Variants in CNIH3 observed in about 807,000 individuals in gnomAD.
The protein encoded by CNIH3 is protein cornichon homolog 3.
In CNIH3, 14 loss-of-function variants were observed where a neutral mutation model predicts 24.1. The ratio of observed to expected loss-of-function variants is 0.58; its 90% CI spans 0.38 to 0.91. The LOEUF is 0.91. Ranked by LOEUF, CNIH3 falls within the 40% of genes least tolerant of loss-of-function variation. The pLI, the probability that CNIH3 is intolerant of heterozygous loss-of-function variation, is 0.00. For synonymous variants in CNIH3, 68 were observed against 73.8 expected (o/e 0.92, Z 0.40); for missense variants, 178 against 196.8 (o/e 0.90, Z 0.57).
intron 5 of CNIH3, among the ~76,000 whole-genome samples, chr1:224,587,866 AGGAGGTCAAGGC>A (rs1681576805): frequency 1.3e-5 from 2 of 151,980 alleles, no homozygotes; most frequent in Admixed American, 1.3e-4. Flanking sequence ...TGCTTGAGCC[AGGAGGTCAAGGC>A]CTTAGTGAGC....
chr1:224,518,338 TATTTAG>T, intron 1 of CNIH3, among the ~76,000 whole-genome samples: 1 of 152,162 alleles, frequency 6.6e-6, no homozygotes, highest in African/African-American at 2.4e-5. Context: ...TATTTTTATT[TATTTAG>T]TTTTTTTAGA....
At chr1:224,444,243 T>C (rs1421768380) in intron 1 of CNIH3, among the ~76,000 whole-genome samples, 1 of 152,208 alleles carries the variant, frequency 6.6e-6, no homozygotes, top group Non-Finnish European at 1.5e-5. Flanking sequence ...AAAAAATTAA[T>C]ATTGTCATCA....
chr1:224,471,792 A>G (rs992661294), intron 1 of CNIH3, among the ~76,000 whole-genome samples: 1 of 151,728 alleles, frequency 6.6e-6, no homozygotes, highest in African/African-American at 2.4e-5. Context: ...GGCTTTCACC[A>G]TCTTGGCCAG....
intron 1 of CNIH3, among the ~76,000 whole-genome samples, chr1:224,679,021 C>T (rs1364906249): frequency 6.6e-6 from 1 of 152,126 alleles, no homozygotes; most frequent in Non-Finnish European, 1.5e-5. Context: ...ATGAATGCTA[C>T]TATATTCCAA....
chr1:224,441,510 C>G (rs1674912283), intron 1 of CNIH3, among the ~76,000 whole-genome samples: 1 of 152,214 alleles, frequency 6.6e-6, no homozygotes, highest in Non-Finnish European at 1.5e-5. Flanking sequence ...TAACAACAGG[C>G]CCTTTGGGCA....
chr1:224,679,557 G>GT (rs1053069773), intron 1 of CNIH3, among the ~76,000 whole-genome samples: 69 of 152,318 alleles, frequency 4.5e-4, no homozygotes, highest in African/African-American at 1.2e-3. Context: ...AGCATCTTCA[G>GT]TAAGTGGTGA....
intron 1 of CNIH3, among the ~76,000 whole-genome samples, chr1:224,475,164 G>A (rs539576692): frequency 6.6e-6 from 1 of 150,810 alleles, no homozygotes; most frequent in East Asian, 2.0e-4. Context: ...ACACAATCCT[G>A]GCTAACATGG....
upstream of CNIH3, among the ~76,000 whole-genome samples, chr1:224,513,406 C>G (rs1232424840): frequency 1.3e-5 from 2 of 151,224 alleles, no homozygotes; most frequent in African/African-American, 4.9e-5. Flanking sequence ...TCTCGAACTC[C>G]TGGACTCAAC....
intron 1 of CNIH3, among the ~76,000 whole-genome samples, chr1:224,657,289 A>G (rs298736): frequency 0.25 from 38,565 of 151,960 alleles, 6,370 homozygotes; most frequent in African/African-American, 0.48. Flanking sequence ...CCGAAGCCAA[A>G]AAATAAGGTT....
At chr1:224,689,727 T>G (rs1425961059) in intron 3 of CNIH3, among the ~76,000 whole-genome samples, 1 of 152,236 alleles carries the variant, frequency 6.6e-6, no homozygotes, top group Non-Finnish European at 1.5e-5. Flanking sequence ...CTCCTCAGCT[T>G]TCTTGGGAGA....
chr1:224,604,265 A>T lies in CNIH3; in HGVS notation n.402+38001A>T, dbSNP rs1682322560. Among the ~76,000 whole-genome samples the T allele has an allele frequency of 6.6e-6, 1 of 152,274 alleles. No homozygotes were observed. Among genetic ancestry groups the T allele is most frequent in the Admixed American group, 6.5e-5 (1 of 15,294 alleles). ...CCAATCAGAACAGAAATCTTTCAAT[A>T]GTATAGGAATCGCTGCAGTTATATT... On this transcript the variant is annotated intron_variant and non_coding_transcript_variant, in intron 3 of 7. Coordinates refer to the CNIH3 transcript ENST00000478120. The surrounding 1 kb of genome is among the most constrained non-coding windows in gnomAD (Gnocchi z 4.4).
chr1:224,596,925 G>A (rs145332786), intron 3 of CNIH3, among the ~76,000 whole-genome samples: 2,858 of 152,126 alleles, frequency 0.019, 95 homozygotes, highest in African/African-American at 0.066. Flanking sequence ...GACCAAGGCG[G>A]GTGGAACACC....
At chr1:224,662,106 A>AT (rs1685388758) in intron 1 of CNIH3, among the ~76,000 whole-genome samples, 1 of 152,154 alleles carries the variant, frequency 6.6e-6, no homozygotes, top group East Asian at 1.9e-4. Flanking sequence ...ACATTCCATA[A>AT]TTTTTTTACA....
chr1:224,445,574 TAAAAA>T (rs369951294), intron 1 of CNIH3, among the ~76,000 whole-genome samples: 2 of 90,410 alleles, frequency 2.2e-5, no homozygotes, highest in African/African-American at 1.0e-4. Context: ...GGACTCTGCT[TAAAAA>T]AAAAAAAAAA....
chr1:224,545,029 C>A (rs1034075510), intron 2 of CNIH3, among the ~76,000 whole-genome samples: 3 of 152,230 alleles, frequency 2.0e-5, no homozygotes, highest in Non-Finnish European at 4.4e-5. Context: ...CTCAGATAAG[C>A]CTTCCTTGCC....
At chr1:224,551,883 A>C (rs940055671) in intron 3 of CNIH3, among the ~76,000 whole-genome samples, 12 of 151,320 alleles carry the variant, frequency 7.9e-5, no homozygotes, top group Admixed American at 7.9e-4. Flanking sequence ...ATTATTTGTA[A>C]TATCTAAGGG....
intron 1 of CNIH3, among the ~76,000 whole-genome samples, chr1:224,497,608 C>A (rs1677489481): frequency 6.6e-6 from 1 of 152,126 alleles, no homozygotes; most frequent in Admixed American, 6.5e-5. Flanking sequence ...GGGTTGGGAA[C>A]CCTTTGTTGT....
intron 3 of CNIH3, among the ~76,000 whole-genome samples, chr1:224,560,261 G>A (rs1680309185): frequency 6.6e-6 from 1 of 152,122 alleles, no homozygotes; most frequent in African/African-American, 2.4e-5. Context: ...GGAATTTCTG[G>A]GTCACAGGAT....
At chr1:224,623,983 A>G (rs1683401197) in intron 1 of CNIH3, among the ~76,000 whole-genome samples, 1 of 152,148 alleles carries the variant, frequency 6.6e-6, no homozygotes, top group Non-Finnish European at 1.5e-5. Flanking sequence ...GCCTGCCGTC[A>G]CCTCTTTGGA....
Sources: gnomAD v4.1 joint callset for allele counts (sites outside exome capture counted in the v4.1 genomes callset) on GRCh38, gnomAD v4.1.1 for gene constraint, Gnocchi (gnomAD v3.1) non-coding constraint, MANE v1.5 for transcripts, NCBI Gene and HGNC (gene_info 2026-07-23, HGNC 2026-07-21) for gene names.